The following ABCC3 variants were observed in gnomAD, a reference collection of about 807,000 sequenced individuals.
The protein encoded by ABCC3 is ATP binding cassette subfamily C member 3.
ABCC3 carries 121 observed loss-of-function variants against 165.3 expected under a neutral mutation model. That is an observed-to-expected ratio of 0.73 (90% CI 0.63 to 0.85). The LOEUF (loss-of-function observed/expected upper bound fraction) is 0.85, where lower values mean the gene tolerates loss of function less well. Among genes scored for constraint, ABCC3 ranks in the 40% least tolerant of loss-of-function variants. ABCC3 has a pLI of 0.00. For synonymous variants in ABCC3, 733 were observed against 810.1 expected (o/e 0.90, Z 1.62); for missense variants, 1,869 against 1,964.1 (o/e 0.95, Z 0.92).
At chr17:50,668,381 G>T in intron 13 of ABCC3, 49 bp from the exon 14 acceptor site, 1 of 1,529,892 alleles carries the variant, frequency 6.5e-7, no homozygotes, top group Non-Finnish European at 9.0e-7. Flanking sequence ...GGTAGGGGTT[G>T]GGGGTTGGGA....
intron 27 of ABCC3, 90 bp downstream of exon 27, chr17:50,683,846 C>T (rs1967971314): frequency 2.6e-6 from 4 of 1,560,920 alleles, no homozygotes; most frequent in Non-Finnish European, 3.5e-6. Context: ...TTTGAGAGCA[C>T]AAGTGCTCCA....
intron 1 of ABCC3, 47 bp from the exon 2 acceptor site, chr17:50,655,785 T>C: frequency 6.3e-7 from 1 of 1,579,500 alleles, no homozygotes; most frequent in Non-Finnish European, 8.7e-7. Context: ...GGCAGCCCAA[T>C]TCTCTGTGGG....
rs1967851061 is a variant in ABCC3, at chr17:50,677,814, A to G, written c.3449A>G (p.His1150Arg). 6.2e-7 allele frequency: 1 copy of G among 1,613,946 alleles called. No homozygotes were observed. Residue 1150 changes from histidine to arginine, a missense_variant, in exon 24 of 31, where the codon CAC becomes CGC. Physicochemically the swap from His to Arg is conservative, Grantham distance 29 (BLOSUM62 0). Coordinates refer to ENST00000285238, the MANE Select transcript of ABCC3 (RefSeq NM_003786.4). ...GTCAGCCGCTCACCTATCTACTCCCACTTTTCGGAGACAGTGACTGGTGCC... is the reference window on the plus strand; with the variant it reads ...GTCAGCCGCTCACCTATCTACTCCCGCTTTTCGGAGACAGTGACTGGTGCC... ...ESVSRSPIYSHFSETVTGASV... is the reference protein window; with the variant it reads ...ESVSRSPIYSRFSETVTGASV...
chr17:50,663,585 G>GTGCA, intron 8 of ABCC3, 96 bp from the exon 9 acceptor site: 1 of 1,419,344 alleles, frequency 7.0e-7, no homozygotes, highest in East Asian at 2.3e-5. Context: ...GAGGCCAGGG[G>GTGCA]TGCAGTGGAG....
Position 50,675,655 on chromosome 17 carries a change from TG to T in ABCC3, c.2743del (p.Glu915ArgfsTer20). 6.4e-7 allele frequency: 1 copy of T among 1,572,744 alleles called. No individual in the cohort carries two copies. Among genetic ancestry groups the T allele is most frequent in the Non-Finnish European group, 8.6e-7 (1 of 1,159,092 alleles). On this transcript the variant is annotated frameshift_variant, in exon 21 of 31. Coordinates refer to ENST00000285238, the MANE Select transcript of ABCC3 (RefSeq NM_003786.4). LOFTEE classifies it high-confidence loss of function. ...GACAGCTGAGTGCCCTGTCCTCAGATGGGGAGGGACAGGGTCGGCCTGTACC... is the reference window on the plus strand; with the variant it reads ...GACAGCTGAGTGCCCTGTCCTCAGATGGGAGGGACAGGGTCGGCCTGTACC... ...MRQLSALSSD[G>X]EGQGRPVPRR... is the part of the protein sequence containing the mutation.
rs1415210123 is a variant in ABCC3, at chr17:50,682,345, T to A, written c.3808-1265T>A. On this transcript the variant is annotated intron_variant, in intron 26 of 30. Transcript: ENST00000285238. ...TTCTGCTTGTAGCTGCCAAGAGATTTAAAAAAAAAAAAAAAAAAAATCAAA... is the reference window on the plus strand; with the variant it reads ...TTCTGCTTGTAGCTGCCAAGAGATTAAAAAAAAAAAAAAAAAAAAATCAAA... 8.4e-5 allele frequency among the ~76,000 whole-genome samples: 11 copies of A among 131,588 alleles called. No individual in the cohort carries two copies. In the East Asian group the frequency reaches 9.0e-4, roughly 11 times the overall value. The allele number at this position is 131,588 out of a possible 152,430, so 86.3% of individuals were successfully genotyped here.
chr17:50,684,817 G>A lies in ABCC3; in HGVS notation c.4222G>A (p.Val1408Met). The A allele has an allele frequency of 1.2e-6, 2 of 1,614,152 alleles. No individual in the cohort carries two copies. The highest frequency in any genetic ancestry group is 1.3e-5 in the African/African-American group (1 of 75,032). ...ALELSHLHTF[V>M]SSQPAGLDFQ... ...GGAGCTGTCCCACCTGCACACGTTT[G>A]TGAGCTCCCAGCCGGCAGGCCTGGA... Residue 1408 changes from valine (V) to methionine (M), a missense_variant, in exon 29 of 31, where the codon GTG becomes ATG. Transcript: ENST00000285238.
intron 11 of ABCC3, among the ~76,000 whole-genome samples, chr17:50,666,946 G>A (rs568422539): frequency 6.6e-6 from 1 of 152,144 alleles, no homozygotes; most frequent in Admixed American, 6.5e-5. Context: ...GGGACCAGGT[G>A]TGGTGGCTCA....
intron 1 of ABCC3, among the ~76,000 whole-genome samples, chr17:50,650,337 C>A (rs1352576460): frequency 1.3e-5 from 2 of 152,136 alleles, no homozygotes; most frequent in Admixed American, 6.5e-5. Context: ...GAACTCCTGA[C>A]CTCAAGTGAT....
intron 25 of ABCC3, 80 bp from the exon 26 acceptor site, chr17:50,679,718 C>A: frequency 7.5e-7 from 1 of 1,326,668 alleles, no homozygotes; most frequent in Non-Finnish European, 1.1e-6. Flanking sequence ...GGCACATGAT[C>A]CAGGAGTCTG....
At position 50,657,144 on chromosome 17, in the gene ABCC3, C is replaced by G; in HGVS notation, c.447C>G (p.Ile149Met). 1 of 1,614,144 alleles carries G rather than the reference C, an allele frequency of 6.2e-7. No homozygotes were observed. The highest frequency in any genetic ancestry group is 8.5e-7 in the Non-Finnish European group (1 of 1,180,018). ...GGTTCCTGTGTGTGGTCTGCGCCAT[C>G]GTCCCATTCCGCTCCAAGATCCTTT... Reference protein sequence around the residue: ...IFWFLCVVCAIVPFRSKILLA... With the variant: ...IFWFLCVVCAMVPFRSKILLA... The change falls in exon 4 of 31, where the codon ATC (isoleucine) becomes ATG (methionine). Residue 149 changes from isoleucine (I) to methionine (M), a missense_variant. Transcript: ENST00000285238.
rs1286549736 is a variant in ABCC3 at position 50,677,783 on chromosome 17, G to C, written c.3418G>C (p.Glu1140Gln). Residue 1140 changes from glutamate (E) to glutamine (Q), a missense_variant, in exon 24 of 31, where the codon GAA (glutamate) becomes CAA (glutamine). By Grantham distance (29) the Glu-to-Gln change is conservative. Transcript: ENST00000285238. ...AATSRQLKRL[E>Q]SVSRSPIYSH... ...CACATCACGGCAACTGAAGCGGCTG[G>C]AATCAGTCAGCCGCTCACCTATCTA... is the stretch of plus-strand genomic sequence containing the variant. 3.7e-6 allele frequency: 6 copies of C among 1,614,112 alleles called. No individual in the cohort carries two copies. The highest frequency in any genetic ancestry group is 5.1e-6 in the Non-Finnish European group (6 of 1,180,018).
Position 50,669,146 on chromosome 17 carries a change from C to T in ABCC3, c.1944C>T (p.Asp648=), listed in dbSNP as rs1303760456. 1.3e-6 allele frequency: 2 copies of T among 1,597,604 alleles called. No homozygotes were observed. The highest frequency in any genetic ancestry group is 2.7e-5 in the African/African-American group (2 of 73,562). ...QDLPPTLHSL[D]IQVPKGALVA... is the part of the protein sequence containing the mutation. Reference sequence around the variant, plus strand: ...CTGGGGTCCTTGCCCCCAGCCTAGACATCCAGGTCCCGAAAGGGGCACTGG... The same window carrying T: ...CTGGGGTCCTTGCCCCCAGCCTAGATATCCAGGTCCCGAAAGGGGCACTGG... Residue 648 remains aspartate (D), a synonymous_variant, in exon 16 of 31, where the codon GAC becomes GAT. Transcript: ENST00000285238.
intron 26 of ABCC3, among the ~76,000 whole-genome samples, chr17:50,680,945 G>A (rs1597860596): frequency 6.6e-6 from 1 of 152,122 alleles, no homozygotes; most frequent in Non-Finnish European, 1.5e-5. Flanking sequence ...GCGTGGTGGT[G>A]CACACCTGTA....
chr17:50,659,358 C>A lies in ABCC3; in HGVS notation c.796C>A (p.Gln266Lys). ...GGAGGCATGGAGGAAGCAGGAAAAG[C>A]AGACGGCACGGTGAGGCCCTCCCCT... ...LLEAWRKQEK[Q>K]TARHKASAAP... Residue 266 changes from glutamine to lysine, a missense_variant, in exon 7 of 31, where the codon CAG becomes AAG. Physicochemically the swap from Gln to Lys is moderately conservative, Grantham distance 53. Transcript: ENST00000285238. The A allele has an allele frequency of 6.2e-7, 1 of 1,609,506 alleles. No individual in the cohort carries two copies.
intron 1 of ABCC3, among the ~76,000 whole-genome samples, chr17:50,637,051 C>T (rs4148407): frequency 0.071 from 10,849 of 152,204 alleles, 393 homozygotes; most frequent in South Asian, 0.12. Context: ...CCTTGATGCT[C>T]GTGAGCTATA....
chr17:50,659,483 C>G, intron 7 of ABCC3, 115 bp downstream of exon 7: 2 of 1,295,400 alleles, frequency 1.5e-6, no homozygotes, highest in African/African-American at 2.9e-5. Flanking sequence ...CAGAGCAGGA[C>G]CAGGTGATTT....
chr17:50,681,631 A>G (rs1391732198), intron 26 of ABCC3, among the ~76,000 whole-genome samples: 1 of 152,092 alleles, frequency 6.6e-6, no homozygotes, highest in Non-Finnish European at 1.5e-5. Flanking sequence ...GGTCTCTACA[A>G]GCTGCATCCG....
chr17:50,644,397 T>C (rs546931982), intron 1 of ABCC3, among the ~76,000 whole-genome samples: 8 of 148,910 alleles, frequency 5.4e-5, no homozygotes, highest in Admixed American at 1.3e-4. Context: ...TCACTCCCCT[T>C]CCATGAGTTG....
Sources: gnomAD v4.1 joint callset for allele counts (sites outside exome capture counted in the v4.1 genomes callset) on GRCh38, gnomAD v4.1.1 for gene constraint, MANE v1.5 for transcripts, NCBI Gene and HGNC (gene_info 2026-07-23, HGNC 2026-07-21) for gene names.